The following MYO16 variants were observed in gnomAD, a reference collection of about 807,000 sequenced individuals.
MYO16 encodes myosin XVI, also known as unconventional myosin-XVI.
MYO16 carries 94 observed loss-of-function variants against 205.3 expected under a neutral mutation model. That is an observed-to-expected ratio of 0.46 (90% confidence interval 0.39 to 0.54). The LOEUF (loss-of-function observed/expected upper bound fraction) is 0.54, where lower values mean the gene tolerates loss of function less well. MYO16 is among the 20% of genes least tolerant of loss of function. The pLI, the probability that MYO16 is intolerant of heterozygous loss-of-function variation, is 0.00. For synonymous variants in MYO16, 988 were observed against 954.0 expected (o/e 1.04, Z -0.66); for missense variants, 2,315 against 2,387.5 (o/e 0.97, Z 0.63).
At chr13:108,760,674 A>T (rs942510579) in intron 4 of MYO16, among the ~76,000 whole-genome samples, 8 of 152,186 alleles carry the variant, frequency 5.3e-5, no homozygotes, top group African/African-American at 1.9e-4. Context: ...GTTCTCACTC[A>T]TATGTGGGGA....
chr13:108,974,240 C>A (rs937247879), intron 20 of MYO16, among the ~76,000 whole-genome samples: 12 of 151,982 alleles, frequency 7.9e-5, no homozygotes, highest in African/African-American at 9.7e-5. Context: ...TTTTGCTGTT[C>A]ATATTAAGTG....
chr13:108,563,108 G>A, the MYO16 span, among the ~76,000 whole-genome samples: 1 of 152,102 alleles, frequency 6.6e-6, no homozygotes, highest in Non-Finnish European at 1.5e-5. Flanking sequence ...TAAGGGAAAT[G>A]CTTTCTGCGT....
At chr13:108,559,135 G>A in the MYO16 span, among the ~76,000 whole-genome samples, 1 of 152,102 alleles carries the variant, frequency 6.6e-6, no homozygotes, top group Non-Finnish European at 1.5e-5. Flanking sequence ...TAATCAAGTT[G>A]AGTTCATTAG....
the MYO16 span, among the ~76,000 whole-genome samples, chr13:108,520,391 C>T: frequency 1.1e-4 from 17 of 151,956 alleles, 1 homozygote; most frequent in South Asian, 3.3e-3. Context: ...GAAAAAAATC[C>T]AATTTATGTG....
At chr13:109,130,394 T>C (rs1241068346) in intron 31 of MYO16, among the ~76,000 whole-genome samples, 1 of 152,260 alleles carries the variant, frequency 6.6e-6, no homozygotes, top group Non-Finnish European at 1.5e-5. Context: ...TAATTCTTCA[T>C]GCTGGTTACT....
chr13:108,900,731 G>C (rs553299894), intron 15 of MYO16, among the ~76,000 whole-genome samples: 1 of 152,234 alleles, frequency 6.6e-6, no homozygotes, highest in Non-Finnish European at 1.5e-5. Context: ...TGTTTGTAGA[G>C]CATGTGTGTT....
rs768067917 is a variant in MYO16, at chr13:108,844,346, T to C, written c.1101T>C (p.Ser367=). Residue 367 remains serine, a synonymous_variant, in exon 10 of 35, where the codon AGT becomes AGC. Coordinates refer to ENST00000457511, the MANE Select transcript of MYO16 (RefSeq NM_001198950.3). The part of the protein sequence containing the change: ...HDLPVLSSKL[S]PLVLPIAKQD... ...GTATTGATTTTTTTTCCTGTAGCAGTCCCCTGGTGTTACCAATTGCCAAGC... is the reference window on the plus strand; with the variant it reads ...GTATTGATTTTTTTTCCTGTAGCAGCCCCCTGGTGTTACCAATTGCCAAGC... 6.1e-5 allele frequency: 98 copies of C among 1,604,620 alleles called. No individual in the cohort carries two copies. The highest frequency in any genetic ancestry group is 7.1e-5 in the Non-Finnish European group (84 of 1,174,972).
In MYO16 at chr13:109,162,706, C is replaced by G. The variant is rs1189527985; in HGVS notation, c.5165-2195C>G. On this transcript the variant is annotated intron_variant, in intron 32 of 34. Coordinates refer to ENST00000457511, the MANE Select transcript of MYO16 (RefSeq NM_001198950.3). This position sits in a 1 kb window ranked among gnomAD's most constrained non-coding sequence, Gnocchi z 4.6. ...TGTATCTCCCGCACTCAGTGAGTATCTGGCACATAGTAGGCACCCAATAAA... is the reference window on the plus strand; with the variant it reads ...TGTATCTCCCGCACTCAGTGAGTATGTGGCACATAGTAGGCACCCAATAAA... 1.3e-5 allele frequency among the ~76,000 whole-genome samples: 2 copies of G among 152,136 alleles called. No homozygotes were observed. The highest frequency in any genetic ancestry group is 2.9e-5 in the Non-Finnish European group (2 of 68,034).
intron 21 of MYO16, among the ~76,000 whole-genome samples, chr13:109,006,956 A>T (rs1034471203): frequency 2.0e-5 from 3 of 152,158 alleles, no homozygotes; most frequent in African/African-American, 7.2e-5. Context: ...TGAGCTAGAA[A>T]GCCAAGAGAG....
At chr13:108,682,431 C>G (rs745753221) in intron 2 of MYO16, among the ~76,000 whole-genome samples, 1 of 152,032 alleles carries the variant, frequency 6.6e-6, no homozygotes, top group African/African-American at 2.4e-5. Context: ...CCCAGGGAGA[C>G]AATTCTCGGT....
At chr13:108,909,924 A>C in intron 15 of MYO16, 79 bp from the exon 16 acceptor site, 1 of 1,383,792 alleles carries the variant, frequency 7.2e-7, no homozygotes, top group Non-Finnish European at 1.0e-6. Flanking sequence ...TATCTCTTGT[A>C]ATTAATTAAT....
chr13:109,182,305 T>C (rs910437243), intron 34 of MYO16, among the ~76,000 whole-genome samples: 4 of 152,146 alleles, frequency 2.6e-5, no homozygotes, highest in African/African-American at 7.2e-5. Context: ...ACATGTAAGA[T>C]GGGCTCAGTT....
chr13:108,842,100 A>C (rs956516961), intron 9 of MYO16, among the ~76,000 whole-genome samples: 12 of 152,102 alleles, frequency 7.9e-5, no homozygotes, highest in Non-Finnish European at 1.5e-4. Flanking sequence ...CTTAAATATA[A>C]AAACCATAAA....
intron 4 of MYO16, among the ~76,000 whole-genome samples, chr13:108,763,293 T>C (rs1451150192): frequency 3.3e-5 from 5 of 152,212 alleles, no homozygotes; most frequent in South Asian, 4.1e-4. Flanking sequence ...ATGCATGTCA[T>C]GCATAAAATC....
chr13:109,022,253 A>AT, intron 23 of MYO16, among the ~76,000 whole-genome samples: 2 of 131,360 alleles, frequency 1.5e-5, no homozygotes, highest in Non-Finnish European at 3.1e-5. Context: ...TTATATATAC[A>AT]AATATATATA....
At chr13:108,809,786 T>A (rs112166413) in intron 7 of MYO16, among the ~76,000 whole-genome samples, 104 of 152,278 alleles carry the variant, frequency 6.8e-4, no homozygotes, top group African/African-American at 2.4e-3. Context: ...TTGTGAGGCC[T>A]CCATGGCCTT....
At chr13:108,837,875 T>G (rs914653583) in intron 9 of MYO16, among the ~76,000 whole-genome samples, 4 of 152,178 alleles carry the variant, frequency 2.6e-5, no homozygotes, top group African/African-American at 9.7e-5. Flanking sequence ...TGATTTTTTT[T>G]GTACTTCATA....
intron 21 of MYO16, among the ~76,000 whole-genome samples, chr13:109,006,064 A>G (rs1157519487): frequency 1.3e-5 from 2 of 152,122 alleles, no homozygotes; most frequent in African/African-American, 2.4e-5. Context: ...AGCTGTCCTT[A>G]TATGGGCTAG....
intron 14 of MYO16, among the ~76,000 whole-genome samples, chr13:108,896,304 G>A (rs1880409757): frequency 6.6e-6 from 1 of 151,970 alleles, no homozygotes; most frequent in Non-Finnish European, 1.5e-5. Context: ...TTCACCGTAT[G>A]TATATAACTA....
Sources: allele counts gnomAD v4.1 joint callset (sites outside exome capture counted in the v4.1 genomes callset), GRCh38; gene constraint gnomAD v4.1.1; non-coding constraint Gnocchi (gnomAD v3.1); transcripts MANE v1.5; gene names NCBI Gene and HGNC (gene_info 2026-07-23, HGNC 2026-07-21).